Variants in C3AR1 observed in about 807,000 individuals in gnomAD.
C3AR1 encodes the protein complement C3a receptor 1.
For missense variants in C3AR1, 579 were observed against 583.5 expected (o/e 0.99, Z 0.08); for synonymous variants, 208 against 225.3 (o/e 0.92, Z 0.69).
Position 8,059,050 on chromosome 12 carries a change from G to A in C3AR1, c.1136C>T (p.Ala379Val), listed in dbSNP as rs750779153. 1 of 1,614,118 alleles carries A rather than the reference G, an allele frequency of 6.2e-7. No homozygotes were observed. Among genetic ancestry groups the A allele is most frequent in the Non-Finnish European group, 8.5e-7 (1 of 1,180,006 alleles). Residue 379 changes from alanine to valine, a missense_variant, in exon 2 of 2, where the codon GCC becomes GTC. Transcript: ENST00000307637. ...AKSQSKTFRV[A>V]VVVVAVFLVC... is the part of the protein sequence containing the mutation. ...AAGAAAGACAGCCACCACCACCACG[G>A]CCACTCGAAAGGTTTTGCTCTGAGA...
Position 8,058,726 on chromosome 12 carries a change from G to A in C3AR1, c.*11C>T, listed in dbSNP as rs200126940. On this transcript the variant is annotated 3_prime_UTR_variant, in exon 2 of 2. Transcript: ENST00000307637. ...GCCTAAGAGCCCCTGCTTGTTGGCT[G>A]CTCCACATTTTCACACAGTTGTACT... 6.3e-7 allele frequency: 1 copy of A among 1,585,920 alleles called. No individual in the cohort carries two copies. The highest frequency in any genetic ancestry group is 1.3e-5 in the African/African-American group (1 of 74,180).
In C3AR1 at chr12:8,060,131, T is replaced by C. The variant is rs763894948; in HGVS notation, c.55A>G (p.Asn19Asp). The change falls in exon 2 of 2, where the codon AAT (asparagine) becomes GAT (aspartate). Residue 19 changes from asparagine to aspartate, a missense_variant. Physicochemically the swap from Asn to Asp is conservative, Grantham distance 23 (BLOSUM62 1). Coordinates refer to ENST00000307637, the MANE Select transcript of C3AR1 (RefSeq NM_004054.4). Reference sequence around the variant, plus strand: ...ATGGAGAGAATTACTGGGGGCTCATTCCATGGCTGTGAGAGTAGGTCAGTT... The same window carrying C: ...ATGGAGAGAATTACTGGGGGCTCATCCCATGGCTGTGAGAGTAGGTCAGTT... ...NSTDLLSQPW[N>D]EPPVILSMVI... 2 of 1,613,946 alleles carry C rather than the reference T, an allele frequency of 1.2e-6. No individual in the cohort carries two copies. Among genetic ancestry groups the C allele is most frequent in the South Asian group, 1.1e-5 (1 of 91,084 alleles).
intron 1 of C3AR1, among the ~76,000 whole-genome samples, chr12:8,064,604 G>A (rs1947310458): frequency 6.7e-6 from 1 of 150,326 alleles, no homozygotes; most frequent in African/African-American, 2.4e-5. Flanking sequence ...CAGGAGAATC[G>A]CTTGAACCTG....
chr12:8,060,277 A>G, intron 1 of C3AR1, 82 bp from the exon 2 acceptor site: 1 of 1,182,664 alleles, frequency 8.5e-7, no homozygotes, highest in South Asian at 1.5e-5. Context: ...TAATCTTCCC[A>G]CATAAAGATG....
chr12:8,061,802 A>G (rs1476162278), intron 1 of C3AR1, among the ~76,000 whole-genome samples: 1 of 152,152 alleles, frequency 6.6e-6, no homozygotes, highest in African/African-American at 2.4e-5. Flanking sequence ...GTATCATAAC[A>G]TTTACCATCT....
intron 1 of C3AR1, 82 bp from the exon 2 acceptor site, chr12:8,060,277 A>T: frequency 1.7e-6 from 2 of 1,182,662 alleles, no homozygotes; most frequent in Non-Finnish European, 2.4e-6. Flanking sequence ...TAATCTTCCC[A>T]CATAAAGATG....
chr12:8,063,292 T>G (rs946762925), intron 1 of C3AR1, among the ~76,000 whole-genome samples: 3 of 152,152 alleles, frequency 2.0e-5, no homozygotes, highest in Admixed American at 2.0e-4. Context: ...ATGTATCTTC[T>G]GCTTCCATAA....
In C3AR1 at chr12:8,059,376, G is replaced by A. The variant is rs149962854; in HGVS notation, c.810C>T (p.Pro270=). 9 of 1,614,002 alleles carry A rather than the reference G, an allele frequency of 5.6e-6. No individual in the cohort carries two copies. The African/African-American group carries it at 1.2e-4, about 22-fold the overall frequency. The part of the protein sequence containing the change: ...KPADVVSPKI[P]SGFPIEDHET... ...CGTGATCTTCAATAGGAAACCCACT[G>A]GGGATTTTAGGTGAGACCACATCAG... Residue 270 remains proline (P), a synonymous_variant, in exon 2 of 2, where the codon CCC becomes CCT. Transcript: ENST00000307637.
rs142745916 is a variant in C3AR1 at position 8,058,777 on chromosome 12, G to A, written c.1409C>T (p.Ser470Leu). The change falls in exon 2 of 2, where the codon TCA (serine) becomes TTA (leucine). Residue 470 changes from serine to leucine, a missense_variant. Transcript: ENST00000307637. ...ATTTCTTTCTGAAATGACATTGTTT[G>A]AGGGACAGTGGGTGGAACGTGTGAG... ...EELTRSTHCP[S>L]NNVISERNST... 340 of 1,613,716 alleles carry A rather than the reference G, an allele frequency of 2.1e-4. No homozygotes were observed. Among genetic ancestry groups the A allele is most frequent in the Non-Finnish European group, 2.6e-4 (305 of 1,179,844 alleles).
rs373989377 is a variant in C3AR1, at chr12:8,064,475, C to T, written c.-11+1803G>A. ...TGGGAAGCCAAGGCAGGCAGATCAC[C>T]TGAGGTCAGTTTGAGACCAGCCTAT... On this transcript the variant is annotated intron_variant, in intron 1 of 1. Coordinates refer to ENST00000307637, the MANE Select transcript of C3AR1 (RefSeq NM_004054.4). Among the ~76,000 whole-genome samples the T allele has an allele frequency of 3.8e-4, 58 of 152,240 alleles. 1 individual carries two copies. The highest frequency in any genetic ancestry group is 1.4e-3 in the African/African-American group (57 of 41,558).
rs762899502 is a variant in C3AR1, at chr12:8,059,344, C to T, written c.842G>A (p.Ser281Asn). 5.6e-6 allele frequency: 9 copies of T among 1,614,206 alleles called. No homozygotes were observed. The highest frequency in any genetic ancestry group is 7.6e-6 in the Non-Finnish European group (9 of 1,180,038). ...AAAAGCATCAGAGTTATCCAGTGGG[C>T]TGGTTTCGTGATCTTCAATAGGAAA... ...SGFPIEDHET[S>N]PLDNSDAFLS... Residue 281 changes from serine to asparagine, a missense_variant, in exon 2 of 2, where the codon AGC becomes AAC. Physicochemically the swap from Ser to Asn is conservative, Grantham distance 46. Coordinates refer to ENST00000307637, the MANE Select transcript of C3AR1 (RefSeq NM_004054.4).
rs141016127 is a variant in C3AR1 at position 8,059,277 on chromosome 12, A to T, written c.909T>A (p.Asn303Lys). 5 of 1,614,212 alleles carry T rather than the reference A, an allele frequency of 3.1e-6. 1 individual carries two copies. The South Asian group carries it at 5.5e-5, about 18-fold the overall frequency. ...GTGGTAGCTCAGACTCGTAGAAGGA[A>T]TTGCTAGAAGCGCTAGGGAACAGCT... ...HLKLFPSASS[N>K]SFYESELPQG... The change falls in exon 2 of 2, where the codon AAT (asparagine) becomes AAA (lysine). Residue 303 changes from asparagine to lysine, a missense_variant. Transcript: ENST00000307637.
At chr12:8,065,770 A>G (rs1947324957) in intron 1 of C3AR1, among the ~76,000 whole-genome samples, 1 of 152,170 alleles carries the variant, frequency 6.6e-6, no homozygotes, top group South Asian at 2.1e-4. Flanking sequence ...AGAGGATTAA[A>G]AAAAATTATT....
Position 8,057,365 on chromosome 12 carries a change from CAAATT to C in C3AR1, c.*1367_*1371del, listed in dbSNP as rs1056594608. On this transcript the variant is annotated 3_prime_UTR_variant, in exon 2 of 2. Coordinates refer to ENST00000307637, the MANE Select transcript of C3AR1 (RefSeq NM_004054.4). ...AATGAATGTTGGGATGCTGGATAAA[CAAATT>C]AAAAATATGGGGTGCTTGGATAAAC... is the stretch of plus-strand genomic sequence containing the variant. Among the ~76,000 whole-genome samples, 15 of 152,222 alleles carry C rather than the reference CAAATT, an allele frequency of 9.9e-5. No individual in the cohort carries two copies. The highest frequency in any genetic ancestry group is 4.1e-4 in the South Asian group (2 of 4,824).
chr12:8,060,567 G>T (rs1179213577), intron 1 of C3AR1, among the ~76,000 whole-genome samples: 2 of 152,138 alleles, frequency 1.3e-5, no homozygotes, highest in African/African-American at 4.8e-5. Context: ...GCTAATTTTT[G>T]TATTTTTAGT....
intron 1 of C3AR1, 79 bp from the exon 2 acceptor site, chr12:8,060,274 C>T (rs1947262187): frequency 1.7e-5 from 21 of 1,205,300 alleles, no homozygotes; most frequent in Non-Finnish European, 2.5e-5. Flanking sequence ...TTCTAATCTT[C>T]CCACATAAAG....
rs762754779 is a variant in C3AR1, at chr12:8,060,488, G to A, written c.-10-293C>T. On this transcript the variant is annotated intron_variant, in intron 1 of 1. Transcript: ENST00000307637. ...CAGCTCACTGTAAGCTCCGCCTCCCGAGTTCAAGCGATTCTCCTGCCTCAG... is the reference window on the plus strand; with the variant it reads ...CAGCTCACTGTAAGCTCCGCCTCCCAAGTTCAAGCGATTCTCCTGCCTCAG... 5.4e-3 allele frequency among the ~76,000 whole-genome samples: 828 copies of A among 152,240 alleles called. 9 individuals are homozygous for A. The highest frequency in any genetic ancestry group is 0.018 in the African/African-American group (744 of 41,554).
Position 8,058,680 on chromosome 12 carries a change from A to G in C3AR1, c.*57T>C. The G allele has an allele frequency of 6.5e-7, 1 of 1,534,900 alleles. No homozygotes were observed. Among genetic ancestry groups the G allele is most frequent in the Non-Finnish European group, 8.8e-7 (1 of 1,141,266 alleles). ...GCTCACCATATCACTTCATCCTCTT[A>G]TAAACTTTCACTATGTGATTGCCTA... is the stretch of plus-strand genomic sequence containing the variant. On this transcript the variant is annotated 3_prime_UTR_variant, in exon 2 of 2. Coordinates refer to ENST00000307637, the MANE Select transcript of C3AR1 (RefSeq NM_004054.4).
intron 1 of C3AR1, among the ~76,000 whole-genome samples, chr12:8,062,081 C>G (rs1307033607): frequency 6.6e-6 from 1 of 152,136 alleles, no homozygotes; most frequent in African/African-American, 2.4e-5. Context: ...AAGCTTCCTC[C>G]GCGTTGTGGC....
Sources: allele counts gnomAD v4.1 joint callset (sites outside exome capture counted in the v4.1 genomes callset), GRCh38; gene constraint gnomAD v4.1.1; transcripts MANE v1.5; gene names NCBI Gene and HGNC (gene_info 2026-07-23, HGNC 2026-07-21).